The following RBM41 variants were observed in gnomAD, a reference collection of about 807,000 sequenced individuals.
RBM41 encodes RNA binding motif protein 41.
A neutral mutation model predicts 30.8 loss-of-function variants in RBM41; 14 were observed. The observed-to-expected ratio is 0.45, with a 90% CI of 0.30 to 0.71. The LOEUF (loss-of-function observed/expected upper bound fraction) is 0.71. Ranked by LOEUF, RBM41 falls within the 30% of genes least tolerant of loss-of-function variation. The pLI is 0.08. For missense variants in RBM41, 276 were observed against 326.3 expected (o/e 0.85, Z 1.19); for synonymous variants, 120 against 110.1 (o/e 1.09, Z -0.56).
downstream of RBM41, among the ~76,000 whole-genome samples, chrX:107,060,018 A>G (rs192565831): frequency 1.8e-5 from 2 of 111,176 alleles, no homozygotes; most frequent in East Asian, 5.7e-4. Flanking sequence ...TGAGCCTGGA[A>G]CATCTTGTGG....
intron 4 of RBM41, chrX:107,114,447 T>G (rs1924735259): frequency 1.8e-5 from 2 of 112,119 alleles, no homozygotes; most frequent in Admixed American, 1.9e-4. Flanking sequence ...AGTTCAAAAT[T>G]TTTAGCTACC....
At chrX:107,054,797 G>A in the RBM41 span, among the ~76,000 whole-genome samples, 2 of 111,972 alleles carry the variant, frequency 1.8e-5, no homozygotes. Flanking sequence ...GCCACAGGTA[G>A]CGAGGAAATT....
At chrX:107,113,073 C>T (rs958120307) in intron 5 of RBM41, among the ~76,000 whole-genome samples, 2 of 111,143 alleles carry the variant, frequency 1.8e-5, no homozygotes, top group Non-Finnish European at 3.8e-5. Context: ...GCTATCATAT[C>T]ATCATCATCA....
rs1408537959 is a variant in RBM41, at chrX:107,062,431, CT to C, written c.*5095del. 7.2e-5 allele frequency among the ~76,000 whole-genome samples: 8 copies of C among 111,238 alleles called. No individual in the cohort carries two copies. The highest frequency in any genetic ancestry group is 3.8e-4 in the South Asian group (1 of 2,623). On this transcript the variant is annotated 3_prime_UTR_variant, in exon 8 of 8. Transcript: ENST00000685964. ...AAAAGTCCAGCTTAGAAGTATGCCC[CT>C]GGTAACATGTATCAGAGGCTATATC...
At chrX:107,088,299 G>A in intron 6 of RBM41, 137 bp downstream of exon 6, 6 of 624,669 alleles carry the variant, frequency 9.6e-6, no homozygotes, top group Non-Finnish European at 1.5e-5. Flanking sequence ...GAATAGTCAA[G>A]GTCAAGGACA....
At chrX:107,106,583 G>A (rs752294019) in intron 5 of RBM41, among the ~76,000 whole-genome samples, 5 of 111,088 alleles carry the variant, frequency 4.5e-5, no homozygotes, top group East Asian at 5.7e-4. Flanking sequence ...TGTTTATTGC[G>A]GCACTATTCA....
At chrX:107,052,741 C>A in the RBM41 span, among the ~76,000 whole-genome samples, 2 of 111,487 alleles carry the variant, frequency 1.8e-5, no homozygotes, top group African/African-American at 6.5e-5. Context: ...GATACAGGGT[C>A]CAAAGAGGAG....
intron 7 of RBM41, among the ~76,000 whole-genome samples, chrX:107,068,202 A>G (rs963354471): frequency 2.7e-5 from 3 of 111,144 alleles, no homozygotes; most frequent in African/African-American, 9.8e-5. Flanking sequence ...GTGAGAATAT[A>G]TACTACATGC....
At chrX:107,117,313 G>A (rs1195431827) in intron 1 of RBM41, among the ~76,000 whole-genome samples, 1 of 112,297 alleles carries the variant, frequency 8.9e-6, no homozygotes, top group East Asian at 2.8e-4. Flanking sequence ...CACAGTGCAA[G>A]TGATGGTTTA....
At chrX:107,115,594 G>A in intron 3 of RBM41, 38 bp from the exon 4 acceptor site, 1 of 1,104,913 alleles carries the variant, frequency 9.1e-7, no homozygotes, top group Non-Finnish European at 1.2e-6. Context: ...TATCATAGAG[G>A]GCACAACCTG....
In RBM41 at chrX:107,064,604, T is replaced by C. The variant is rs773642108; in HGVS notation, c.*2923A>G. 5 of 111,675 alleles carry C rather than the reference T, an allele frequency of 4.5e-5. No homozygotes were observed. The highest frequency in any genetic ancestry group is 1.6e-4 in the African/African-American group (5 of 30,756). The allele number at this position is 111,675 out of a possible 1,213,427, so 9.2% of individuals were successfully genotyped here. A position where few individuals can be genotyped will look rare whatever the true frequency, so the allele number is the denominator to read the frequency against. ...TATTTGTGAGTTTCCCAACTTTTCA[T>C]TGTTTTCTAACTTCATCCCATGTGG... On this transcript the variant is annotated 3_prime_UTR_variant, in exon 8 of 8. Coordinates refer to ENST00000685964, the MANE Select transcript of RBM41 (RefSeq NM_001324242.2).
chrX:107,097,718 A>T (rs1044499597), intron 5 of RBM41, among the ~76,000 whole-genome samples: 1 of 112,229 alleles, frequency 8.9e-6, no homozygotes, highest in Non-Finnish European at 1.9e-5. Flanking sequence ...GCTGTAAAAT[A>T]AAAAAACTAG....
chrX:107,115,235 A>C, intron 4 of RBM41, 117 bp downstream of exon 4: 1 of 759,400 alleles, frequency 1.3e-6, no homozygotes, highest in Non-Finnish European at 2.0e-6. Context: ...CATTTCTCAA[A>C]AGTAGTGACA....
chrX:107,107,322 G>A (rs763875662), intron 5 of RBM41, among the ~76,000 whole-genome samples: 63 of 111,998 alleles, frequency 5.6e-4, no homozygotes, highest in African/African-American at 1.9e-3. Flanking sequence ...GGATACAGAA[G>A]TTAGCAGAGC....
At chrX:107,116,607 G>T in intron 2 of RBM41, 43 bp downstream of exon 2, 3 of 1,195,209 alleles carry the variant, frequency 2.5e-6, no homozygotes, top group Non-Finnish European at 3.4e-6. Context: ...TCACCTGGAG[G>T]TAAGAGTCTA....
chrX:107,094,329 T>C (rs1472407467), intron 5 of RBM41, among the ~76,000 whole-genome samples: 1 of 112,192 alleles, frequency 8.9e-6, no homozygotes, highest in Non-Finnish European at 1.9e-5. Context: ...GCAAGCCTCA[T>C]CCAGCAACAT....
chrX:107,064,404 ATT>A lies in RBM41; in HGVS notation c.*3121_*3122del, dbSNP rs35721823. The A allele has an allele frequency of 0.022, 1,868 of 83,207 alleles. 36 individuals carry two copies. Among genetic ancestry groups the A allele is most frequent in the African/African-American group, 0.067 (1,576 of 23,402 alleles). 6.9% of individuals were successfully genotyped at this position (83,207 alleles called of 1,213,427 possible). The stretch of plus-strand genomic sequence containing the variant: ...CCCTTATGATTTTTTTCTTTGACAC[ATT>A]TTTTTTTTTTTTTGGTAATGACAGG... On this transcript the variant is annotated 3_prime_UTR_variant, in exon 8 of 8. Transcript: ENST00000685964.
Position 107,107,023 on chromosome X carries a change from A to T in RBM41, c.595+6374T>A, listed in dbSNP as rs185769454. ...ACCCTAAAACTTAAAGTATAATAAA[A>T]AAAGAGGAAAATCTAAATGTATTAT... On this transcript the variant is annotated intron_variant, in intron 5 of 7. Coordinates refer to ENST00000685964, the MANE Select transcript of RBM41 (RefSeq NM_001324242.2). 4.6e-3 allele frequency among the ~76,000 whole-genome samples: 517 copies of T among 111,796 alleles called. 4 individuals are homozygous for T. Among genetic ancestry groups the T allele is most frequent in the African/African-American group, 0.016 (482 of 30,756 alleles).
the RBM41 span, among the ~76,000 whole-genome samples, chrX:107,056,591 C>T: frequency 0.3 from 33,556 of 110,338 alleles, 4,798 homozygotes; most frequent in African/African-American, 0.54. Context: ...TTTCTTTGTG[C>T]GTCAATTTTG....
Sources: allele counts gnomAD v4.1 joint callset (sites outside exome capture counted in the v4.1 genomes callset), GRCh38; gene constraint gnomAD v4.1.1; transcripts MANE v1.5; gene names NCBI Gene and HGNC (gene_info 2026-07-23, HGNC 2026-07-21).